Variants in SGCG observed in about 807,000 individuals in gnomAD.
SGCG encodes gamma-sarcoglycan.
SGCG carries 26 observed loss-of-function variants against 29.3 expected under a neutral mutation model. The ratio of observed to expected loss-of-function variants is 0.89; its 90% CI spans 0.65 to 1.23. SGCG has a LOEUF of 1.23. Ranked by LOEUF, SGCG falls within the 50% of genes most tolerant of loss-of-function variation. The pLI is 0.00. For missense variants in SGCG, 353 were observed against 356.0 expected (o/e 0.99, Z 0.07); for synonymous variants, 145 against 129.7 (o/e 1.12, Z -0.80).
At chr13:23,231,755 G>C (rs189630105) in intron 2 of SGCG, among the ~76,000 whole-genome samples, 2 of 152,222 alleles carry the variant, frequency 1.3e-5, no homozygotes, top group East Asian at 3.9e-4. Flanking sequence ...ATCCCAAACA[G>C]CAGTTGTCAA....
upstream of SGCG, among the ~76,000 whole-genome samples, chr13:23,177,448 T>C (rs1876592675): frequency 6.6e-6 from 1 of 152,214 alleles, no homozygotes; most frequent in South Asian, 2.1e-4. Flanking sequence ...TTATCCTGAT[T>C]TGATCATTAC....
At chr13:23,260,709 C>G (rs377029777) in intron 4 of SGCG, among the ~76,000 whole-genome samples, 1 of 152,114 alleles carries the variant, frequency 6.6e-6, no homozygotes, top group Admixed American at 6.6e-5. Flanking sequence ...ATGTTTAGTG[C>G]TTCCTTCAGG....
the SGCG span, among the ~76,000 whole-genome samples, chr13:23,173,578 T>A: frequency 6.6e-6 from 1 of 152,196 alleles, no homozygotes; most frequent in South Asian, 2.1e-4. Flanking sequence ...TCCTCCAAAT[T>A]TACTTTATGT....
intron 2 of SGCG, among the ~76,000 whole-genome samples, chr13:23,211,140 C>G (rs1416999383): frequency 6.6e-6 from 1 of 152,202 alleles, no homozygotes; most frequent in Non-Finnish European, 1.5e-5. Context: ...CATCAAGTCA[C>G]AGGCAGCATG....
intron 7 of SGCG, among the ~76,000 whole-genome samples, chr13:23,321,276 G>A (rs368167897): frequency 2.6e-5 from 4 of 152,076 alleles, no homozygotes; most frequent in Non-Finnish European, 5.9e-5. Context: ...AAATACAGTT[G>A]TCCCCCTTTA....
At chr13:23,300,938 A>AT (rs1882135542) in intron 6 of SGCG, among the ~76,000 whole-genome samples, 1 of 152,036 alleles carries the variant, frequency 6.6e-6, no homozygotes, top group South Asian at 2.1e-4. Context: ...ACACGGTGAA[A>AT]CCCCATCTCT....
chr13:23,209,446 C>T (rs773675541), intron 2 of SGCG, among the ~76,000 whole-genome samples: 1 of 152,150 alleles, frequency 6.6e-6, no homozygotes, highest in Non-Finnish European at 1.5e-5. Context: ...AGTGATTATT[C>T]ATAGGAAGCT....
rs1491413591 is a variant in SGCG at position 23,249,011 on chromosome 13, AAC to A, written c.298-1617_298-1616del. On this transcript the variant is annotated intron_variant, in intron 3 of 7. Coordinates refer to ENST00000218867, the MANE Select transcript of SGCG (RefSeq NM_000231.3). ...GTCACAGAAAAGAAAAAAAAAAAAA[AAC>A]AAACCTCAATTTTCATTTATTTATT... is the stretch of plus-strand genomic sequence containing the variant. 1.9e-3 allele frequency among the ~76,000 whole-genome samples: 285 copies of A among 148,546 alleles called. 12 individuals carry two copies. The highest frequency in any genetic ancestry group is 4.7e-3 in the African/African-American group (191 of 40,746).
chr13:23,310,303 G>A (rs778552116), intron 6 of SGCG, among the ~76,000 whole-genome samples: 2 of 151,832 alleles, frequency 1.3e-5, no homozygotes, highest in African/African-American at 2.4e-5. Flanking sequence ...AGCCAGGGTG[G>A]TCTCGATCTC....
chr13:23,280,058 C>T (rs1211746642), intron 5 of SGCG, among the ~76,000 whole-genome samples: 6 of 152,014 alleles, frequency 3.9e-5, no homozygotes, highest in Non-Finnish European at 7.4e-5. Flanking sequence ...TGGAGTAACC[C>T]ACAGACTCAT....
the SGCG span, among the ~76,000 whole-genome samples, chr13:23,164,385 T>C: frequency 6.6e-6 from 1 of 152,208 alleles, no homozygotes; most frequent in African/African-American, 2.4e-5. Context: ...AGGTGTTTCA[T>C]TTCATGTCAC....
At chr13:23,202,517 G>A (rs956373349) in intron 1 of SGCG, among the ~76,000 whole-genome samples, 2 of 152,126 alleles carry the variant, frequency 1.3e-5, no homozygotes, top group South Asian at 2.1e-4. Flanking sequence ...AGTTTGGTTC[G>A]AGCCACTGGC....
At chr13:23,171,736 G>A in the SGCG span, among the ~76,000 whole-genome samples, 1 of 152,134 alleles carries the variant, frequency 6.6e-6, no homozygotes, top group Admixed American at 6.5e-5. Context: ...CCTCTCATGA[G>A]TAGTTCACAA....
chr13:23,187,336 T>G (rs1877021157), intron 1 of SGCG, among the ~76,000 whole-genome samples: 1 of 152,150 alleles, frequency 6.6e-6, no homozygotes, highest in Admixed American at 6.5e-5. Flanking sequence ...TTCTCTGTCC[T>G]CCCTATTCCA....
chr13:23,306,005 G>C (rs1271438061), intron 6 of SGCG, among the ~76,000 whole-genome samples: 3 of 152,120 alleles, frequency 2.0e-5, no homozygotes, highest in Non-Finnish European at 2.9e-5. Context: ...CAAGTAGCTA[G>C]GACTACAGGA....
chr13:23,188,311 C>CTTTTTT lies in SGCG; in HGVS notation c.-1+7262_-1+7267dup, dbSNP rs71100159. On this transcript the variant is annotated intron_variant, in intron 1 of 7. Coordinates refer to ENST00000218867, the MANE Select transcript of SGCG (RefSeq NM_000231.3). ...CGTCTGAACACATCTTTTACTAAGG[C>CTTTTTT]TTTTTTTTTTTTTTTTTTTTTTTTT... Among the ~76,000 whole-genome samples, 5 of 78,366 alleles carry CTTTTTT rather than the reference C, an allele frequency of 6.4e-5. 1 individual carries two copies. The highest frequency in any genetic ancestry group is 2.0e-4 in the African/African-American group (4 of 20,254). The allele number at this position is 78,366 out of a possible 152,430, so 51.4% of individuals were successfully genotyped here.
upstream of SGCG, chr13:23,180,831 A>C (rs1876706166): frequency 6.6e-6 from 1 of 152,210 alleles, no homozygotes; most frequent in Admixed American, 6.5e-5. Flanking sequence ...GTGCCCAAAA[A>C]ATTTTAAGTG....
At chr13:23,193,767 G>T (rs1256390287) in intron 1 of SGCG, among the ~76,000 whole-genome samples, 5 of 152,066 alleles carry the variant, frequency 3.3e-5, no homozygotes, top group Non-Finnish European at 5.9e-5. Flanking sequence ...TATAAATTTG[G>T]GAACCATCAG....
At chr13:23,186,833 G>A (rs912332775) in intron 1 of SGCG, among the ~76,000 whole-genome samples, 1 of 152,142 alleles carries the variant, frequency 6.6e-6, no homozygotes, top group Non-Finnish European at 1.5e-5. Flanking sequence ...CATCTCCTAT[G>A]GGATTCCACA....
Sources: allele counts gnomAD v4.1 joint callset (sites outside exome capture counted in the v4.1 genomes callset), GRCh38; gene constraint gnomAD v4.1.1; transcripts MANE v1.5; gene names NCBI Gene and HGNC (gene_info 2026-07-23, HGNC 2026-07-21).